The following DYNC2H1 variants were observed in gnomAD, a reference collection of about 807,000 sequenced individuals.
DYNC2H1 encodes dynein cytoplasmic 2 heavy chain 1, also known as cytoplasmic dynein 2 heavy chain 1.
A neutral mutation model predicts 570.0 loss-of-function variants in DYNC2H1; 410 were observed. The observed-to-expected ratio is 0.72, with a 90% CI of 0.66 to 0.78. The LOEUF (loss-of-function observed/expected upper bound fraction) is 0.78. Among genes scored for constraint, DYNC2H1 ranks in the 30% least tolerant of loss-of-function variants. The probability of loss-of-function intolerance (pLI) is 0.00; values close to 1 mark genes in which losing one functional copy is unlikely to be tolerated. For synonymous variants in DYNC2H1, 1,688 were observed against 1,677.6 expected, an observed-to-expected ratio of 1.01 and a Z score of -0.15; for missense variants, 4,865 against 5,046.4, an observed-to-expected ratio of 0.96 and a Z score of 1.09.
chr11:103,111,311 T>C (rs1443502853), intron 1 of DYNC2H1, among the ~76,000 whole-genome samples: 1 of 152,262 alleles, frequency 6.6e-6, no homozygotes, highest in East Asian at 1.9e-4. Flanking sequence ...TTATTTTCAC[T>C]TTAGACTCTG....
At chr11:103,409,848 C>T (rs867860598) in intron 84 of DYNC2H1, among the ~76,000 whole-genome samples, 18 of 150,652 alleles carry the variant, frequency 1.2e-4, no homozygotes, top group African/African-American at 4.5e-4. Context: ...CTAGTTAATA[C>T]ATTATGCAGA....
intron 82 of DYNC2H1, among the ~76,000 whole-genome samples, chr11:103,353,221 G>A (rs1476875614): frequency 1.3e-5 from 2 of 152,276 alleles, no homozygotes; most frequent in African/African-American, 4.8e-5. Context: ...GCGTTGATAG[G>A]TGCAGCAAAC....
chr11:103,239,669 G>C lies in DYNC2H1; in HGVS notation c.9819+3130G>C, dbSNP rs1459476697. On this transcript the variant is annotated intron_variant, in intron 63 of 88. Coordinates refer to ENST00000375735, the MANE Select transcript of DYNC2H1 (RefSeq NM_001377.3). This position sits in a 1 kb window ranked among gnomAD's most constrained non-coding sequence, Gnocchi z 4.3. ...TGTGTGTGTGTGTGTGTGTGTGTGT[G>C]TGTGTGTGTAACCTTATTTATTTTA... 6.6e-6 allele frequency among the ~76,000 whole-genome samples: 1 copy of C among 151,868 alleles called. No homozygotes were observed. The highest frequency in any genetic ancestry group is 2.4e-5 in the African/African-American group (1 of 41,330).
chr11:103,209,991 GT>G lies in DYNC2H1; in HGVS notation c.8539+36del, dbSNP rs777720851. 4 of 1,423,224 alleles carry G rather than the reference GT, an allele frequency of 2.8e-6. No homozygotes were observed. The highest frequency in any genetic ancestry group is 2.8e-5 in the East Asian group (1 of 35,270). The allele number at this position is 1,423,224 out of a possible 1,614,324, so 88.2% of individuals were successfully genotyped here. ...ATTTTGATAAAATCAGTTTGATCTGGTTTTTATTTATGAAATAATTGCCGTT... is the reference window on the plus strand; with the variant it reads ...ATTTTGATAAAATCAGTTTGATCTGGTTTTATTTATGAAATAATTGCCGTT... On this transcript the variant is annotated intron_variant, in intron 53 of 88. Transcript: ENST00000375735. The surrounding 1 kb of genome is among the most constrained non-coding windows in gnomAD (Gnocchi z 4.2).
In DYNC2H1 at chr11:103,256,167, A is replaced by G; in HGVS notation, c.10388A>G (p.Gln3463Arg). Residue 3463 changes from glutamine to arginine, a missense_variant, in exon 68 of 89, where the codon CAG becomes CGG. By Grantham distance (43) the Gln-to-Arg change is conservative (BLOSUM62 1). Transcript: ENST00000375735. This position sits in a 1 kb window ranked among gnomAD's most constrained non-coding sequence, Gnocchi z 4.0. Reference sequence around the variant, plus strand: ...AAGGATTTGATTGAGTCTTTGAATCAGACAAAAGCAAGCAGTGCACTTATT... The same window carrying G: ...AAGGATTTGATTGAGTCTTTGAATCGGACAAAAGCAAGCAGTGCACTTATT... ...ENKDLIESLN[Q>R]TKASSALIQE... The G allele has an allele frequency of 1.9e-6, 3 of 1,609,092 alleles. No individual in the cohort carries two copies. Among genetic ancestry groups the G allele is most frequent in the Non-Finnish European group, 2.5e-6 (3 of 1,177,260 alleles).
intron 59 of DYNC2H1, among the ~76,000 whole-genome samples, chr11:103,224,253 T>TAA (rs781089063): frequency 5.9e-5 from 9 of 151,824 alleles, no homozygotes; most frequent in African/African-American, 1.9e-4. Context: ...TATGTTCTTT[T>TAA]AAAAAAAAAA....
chr11:103,120,871 A>G, intron 8 of DYNC2H1, 54 bp from the exon 9 acceptor site: 1 of 1,169,724 alleles, frequency 8.5e-7, no homozygotes, highest in South Asian at 3.1e-5. Flanking sequence ...ATATATATAT[A>G]TTTACTGAGT....
intron 84 of DYNC2H1, among the ~76,000 whole-genome samples, chr11:103,422,626 G>GCATCC (rs1943526891): frequency 6.6e-6 from 1 of 152,084 alleles, no homozygotes; most frequent in Non-Finnish European, 1.5e-5. Context: ...AAGGCCTTCT[G>GCATCC]TAAAATTCAG....
At chr11:103,156,060 G>C (rs1255515159) in intron 25 of DYNC2H1, among the ~76,000 whole-genome samples, 1 of 152,102 alleles carries the variant, frequency 6.6e-6, no homozygotes, top group African/African-American at 2.4e-5. Context: ...CTTTTGGTCT[G>C]TAAAACTTTA....
At chr11:103,283,403 C>T (rs77862266) in intron 73 of DYNC2H1, among the ~76,000 whole-genome samples, 9,163 of 152,190 alleles carry the variant, frequency 0.06, 407 homozygotes, top group South Asian at 0.16. Flanking sequence ...TAACTCTCAA[C>T]AATTCTGTGT....
rs113263553 is a variant in DYNC2H1 at position 103,261,244 on chromosome 11, G to A, written c.10695+1267G>A. ...CCATCTCCCTGAGACAGAGCAGCTG[G>A]GGGGAAGGGGTGGCTGTGGGCGCAG... is the stretch of plus-strand genomic sequence containing the variant. On this transcript the variant is annotated intron_variant, in intron 70 of 88. Transcript: ENST00000375735. The surrounding 1 kb of genome is among the most constrained non-coding windows in gnomAD (Gnocchi z 4.8). Among the ~76,000 whole-genome samples, 13,465 of 152,192 alleles carry A rather than the reference G, an allele frequency of 0.088. 781 individuals carry two copies. Among genetic ancestry groups the A allele is most frequent in the Non-Finnish European group, 0.12 (8,145 of 67,994 alleles).
chr11:103,441,602 C>T (rs1397947551), intron 85 of DYNC2H1, among the ~76,000 whole-genome samples: 1 of 152,074 alleles, frequency 6.6e-6, no homozygotes, highest in South Asian at 2.1e-4. Context: ...TAAATGACTC[C>T]AATCATAAGG....
chr11:103,202,621 T>C (rs1197889207), intron 50 of DYNC2H1, among the ~76,000 whole-genome samples: 3 of 149,868 alleles, frequency 2.0e-5, no homozygotes, highest in Admixed American at 1.3e-4. Flanking sequence ...TACAAGCTTG[T>C]GGGGTGGGGG....
chr11:103,198,139 G>T, intron 48 of DYNC2H1, 76 bp downstream of exon 48: 1 of 1,451,038 alleles, frequency 6.9e-7, no homozygotes, highest in Non-Finnish European at 9.3e-7. Flanking sequence ...TAAATATTTA[G>T]AGGGCATGAA....
At chr11:103,210,027 A>T in intron 53 of DYNC2H1, 67 bp downstream of exon 53, 3 of 1,349,742 alleles carry the variant, frequency 2.2e-6, no homozygotes, top group Non-Finnish European at 2.9e-6. Context: ...TTTTAATGCT[A>T]CAGATCCATT....
chr11:103,431,250 T>C (rs1423427129), intron 84 of DYNC2H1, among the ~76,000 whole-genome samples: 1 of 151,326 alleles, frequency 6.6e-6, no homozygotes, highest in African/African-American at 2.4e-5. Flanking sequence ...AACTTTAAGA[T>C]TAAACTTACT....
At chr11:103,266,405 C>A (rs1865507418) in intron 70 of DYNC2H1, among the ~76,000 whole-genome samples, 1 of 152,108 alleles carries the variant, frequency 6.6e-6, no homozygotes, top group African/African-American at 2.4e-5. Flanking sequence ...CTCTGTGACC[C>A]TGCAAGCAGG....
intron 83 of DYNC2H1, among the ~76,000 whole-genome samples, chr11:103,371,951 T>TTTC (rs1941172845): frequency 8.6e-6 from 1 of 115,818 alleles, no homozygotes; most frequent in Admixed American, 9.1e-5. Flanking sequence ...TTTTTTTTTT[T>TTTC]TGTCTTGCCT....
Position 103,325,782 on chromosome 11 carries a change from A to G in DYNC2H1, c.12039+1792A>G, listed in dbSNP as rs190945301. Among the ~76,000 whole-genome samples, 11 of 152,166 alleles carry G rather than the reference A, an allele frequency of 7.2e-5. No homozygotes were observed. The highest frequency in any genetic ancestry group is 1.5e-4 in the Non-Finnish European group (10 of 68,004). On this transcript the variant is annotated intron_variant, in intron 82 of 88. Coordinates refer to ENST00000375735, the MANE Select transcript of DYNC2H1 (RefSeq NM_001377.3). This position sits in a 1 kb window ranked among gnomAD's most constrained non-coding sequence, Gnocchi z 4.8. ...GGATCGGATTTCAACTTTCTCCTGA[A>G]TTTTGTTGAGCTTTTTTGCCACATT...
Sources: allele counts gnomAD v4.1 joint callset (sites outside exome capture counted in the v4.1 genomes callset), GRCh38; gene constraint gnomAD v4.1.1; non-coding constraint Gnocchi (gnomAD v3.1); transcripts MANE v1.5; gene names NCBI Gene and HGNC (gene_info 2026-07-23, HGNC 2026-07-21).